Variants in PCDH11Y observed in about 807,000 individuals in gnomAD.
PCDH11Y encodes protocadherin-11 Y-linked.
For missense variants in PCDH11Y, 12 were observed against 224.8 expected, an observed-to-expected ratio of 0.05 and a Z score of 6.05; for synonymous variants, 9 against 83.6, an observed-to-expected ratio of 0.11 and a Z score of 4.87.
chrY:5,625,823 G>GT (rs1220087252), intron 4 of PCDH11Y, among the ~76,000 whole-genome samples: 444 of 11,793 alleles, frequency 0.038, no homozygotes, highest in Non-Finnish European at 0.062. Flanking sequence ...CAGTTTGCTA[G>GT]TTTTTTTTTT....
At chrY:5,517,238 G>T in intron 3 of PCDH11Y, among the ~76,000 whole-genome samples, 1 of 33,165 alleles carries the variant, frequency 3.0e-5, no homozygotes, top group Admixed American at 2.8e-4. Context: ...TCTTTAAGAA[G>T]ATGGTTGGAA....
chrY:5,526,071 C>G, intron 3 of PCDH11Y, among the ~76,000 whole-genome samples: 1 of 32,422 alleles, frequency 3.1e-5, no homozygotes, highest in Non-Finnish European at 7.5e-5. Context: ...AGGTGGTTCT[C>G]TGATGAAGAT....
chrY:5,328,565 G>T, intron 2 of PCDH11Y, among the ~76,000 whole-genome samples: 6 of 32,820 alleles, frequency 1.8e-4, no homozygotes, highest in African/African-American at 7.2e-4. Context: ...TGCCGAACGA[G>T]CCATGAACTG....
chrY:5,212,999 T>G, intron 2 of PCDH11Y, among the ~76,000 whole-genome samples: 1 of 26,497 alleles, frequency 3.8e-5, no homozygotes, highest in Non-Finnish European at 8.5e-5. Context: ...TCTTAATCTT[T>G]TTTTCCCCCA....
intron 3 of PCDH11Y, among the ~76,000 whole-genome samples, chrY:5,508,171 T>C: frequency 3.0e-5 from 1 of 33,387 alleles, no homozygotes; most frequent in Non-Finnish European, 7.4e-5. Flanking sequence ...ACTTTTAAAA[T>C]TGGACAATAA....
At chrY:5,141,543 A>G (rs2052849642) in intron 2 of PCDH11Y, among the ~76,000 whole-genome samples, 2 of 31,052 alleles carry the variant, frequency 6.4e-5, no homozygotes, top group Non-Finnish European at 1.5e-4. Context: ...CCAAAACAGC[A>G]TGGTACTGGT....
chrY:5,477,411 C>T, intron 2 of PCDH11Y, among the ~76,000 whole-genome samples: 1 of 31,149 alleles, frequency 3.2e-5, no homozygotes, highest in Non-Finnish European at 7.7e-5. Context: ...ATTTGGTTTT[C>T]CAGTATTTTA....
At chrY:5,482,649 G>C in intron 2 of PCDH11Y, among the ~76,000 whole-genome samples, 1 of 33,082 alleles carries the variant, frequency 3.0e-5, no homozygotes, top group Non-Finnish European at 7.4e-5. Context: ...CTTCTAACAT[G>C]AGTCTATTGT....
At chrY:5,314,642 G>A (rs2053105323) in intron 2 of PCDH11Y, among the ~76,000 whole-genome samples, 1 of 29,453 alleles carries the variant, frequency 3.4e-5, no homozygotes, top group African/African-American at 1.3e-4. Flanking sequence ...TTTAATATTG[G>A]TGTAATCGAA....
intron 2 of PCDH11Y, among the ~76,000 whole-genome samples, chrY:5,347,508 T>C (rs2124669876): frequency 3.0e-5 from 1 of 32,978 alleles, no homozygotes; most frequent in Non-Finnish European, 7.4e-5. Flanking sequence ...TCTGAATGTA[T>C]TGCCCTCCAT....
chrY:5,314,763 G>A (rs2053105395), intron 2 of PCDH11Y, among the ~76,000 whole-genome samples: 1 of 32,952 alleles, frequency 3.0e-5, no homozygotes, highest in Non-Finnish European at 7.4e-5. Context: ...AGTTGTAACT[G>A]TTGGAAACGT....
rs2124659982 is a variant in PCDH11Y, at chrY:5,274,690, A to G, written c.3129+173983A>G. Among the ~76,000 whole-genome samples the G allele has an allele frequency of 3.0e-4, 10 of 33,894 alleles. No homozygotes were observed. In the South Asian group the frequency reaches 6.6e-3, roughly 22 times the overall value. The allele number at this position is 33,894 out of a possible 37,273, so 90.9% of individuals were successfully genotyped here. On this transcript the variant is annotated intron_variant, in intron 2 of 4. Transcript: ENST00000400457. ...AAATGTAACAAAATATTTGGCTTAA[A>G]AATAGAGGTATTATTGACATATACA...
chrY:5,494,528 C>T, intron 2 of PCDH11Y, among the ~76,000 whole-genome samples: 9 of 31,560 alleles, frequency 2.9e-4, no homozygotes, highest in Non-Finnish European at 5.4e-4. Context: ...GACTGTGTCA[C>T]ACACACACAG....
downstream of PCDH11Y, among the ~76,000 whole-genome samples, chrY:5,108,764 A>G: frequency 1.0e-4 from 3 of 28,667 alleles, no homozygotes; most frequent in African/African-American, 4.0e-4. Flanking sequence ...AAAAAAAAAA[A>G]AAAGAAAAGA....
At chrY:5,266,016 A>G in intron 2 of PCDH11Y, among the ~76,000 whole-genome samples, 5 of 32,675 alleles carry the variant, frequency 1.5e-4, no homozygotes, top group African/African-American at 6.0e-4. Context: ...CAAACTGACT[A>G]TTCAAACATG....
At chrY:5,213,347 G>A (rs2052941273) in intron 2 of PCDH11Y, among the ~76,000 whole-genome samples, 1 of 28,770 alleles carries the variant, frequency 3.5e-5, no homozygotes, top group Non-Finnish European at 8.2e-5. Flanking sequence ...ACAGACCAGT[G>A]TAGATCCGGA....
At chrY:5,233,375 G>A (rs1268649914) in intron 2 of PCDH11Y, among the ~76,000 whole-genome samples, 2 of 32,161 alleles carry the variant, frequency 6.2e-5, no homozygotes. Context: ...CTATTGTACT[G>A]ATCAAAAGTA....
chrY:5,662,702 T>C, intron 4 of PCDH11Y, among the ~76,000 whole-genome samples: 1 of 28,272 alleles, frequency 3.5e-5, no homozygotes, highest in African/African-American at 1.4e-4. Context: ...AATCAGAAAG[T>C]AGAAAGAAAT....
chrY:5,258,264 T>C, intron 2 of PCDH11Y, among the ~76,000 whole-genome samples: 2 of 31,929 alleles, frequency 6.3e-5, no homozygotes, highest in African/African-American at 1.2e-4. Flanking sequence ...ATTTCTTTGA[T>C]CTTGTGTATC....
Sources: gnomAD v4.1 joint callset for allele counts (sites outside exome capture counted in the v4.1 genomes callset) on GRCh38, gnomAD v4.1.1 for gene constraint, MANE v1.5 for transcripts, NCBI Gene and HGNC (gene_info 2026-07-23, HGNC 2026-07-21) for gene names.